Variants in FAF1 observed in about 807,000 individuals in gnomAD.
FAF1 encodes Fas associated factor 1.
A neutral mutation model predicts 92.5 loss-of-function variants in FAF1; 25 were observed. That is an observed-to-expected ratio of 0.27 (90% CI 0.20 to 0.38). FAF1 has a LOEUF of 0.38. FAF1 is among the 10% of genes least tolerant of loss of function. The pLI is 1.00. For synonymous variants in FAF1, 234 were observed against 273.2 expected, an observed-to-expected ratio of 0.86 and a Z score of 1.42; for missense variants, 636 against 793.3, an observed-to-expected ratio of 0.80 and a Z score of 2.38.
intron 8 of FAF1, among the ~76,000 whole-genome samples, chr1:50,637,819 T>C (rs941954331): frequency 6.6e-6 from 1 of 151,754 alleles, no homozygotes; most frequent in Non-Finnish European, 1.5e-5. Flanking sequence ...CTCTCAGAAA[T>C]TTTTTCCTAT....
intron 8 of FAF1, among the ~76,000 whole-genome samples, chr1:50,606,619 C>G (rs1652429105): frequency 6.6e-6 from 1 of 150,954 alleles, no homozygotes; most frequent in Non-Finnish European, 1.5e-5. Flanking sequence ...CCTGCTTCAG[C>G]CTCCCGAGTA....
intron 2 of FAF1, among the ~76,000 whole-genome samples, chr1:50,846,148 A>G (rs181311789): frequency 6.6e-6 from 1 of 152,204 alleles, no homozygotes; most frequent in African/African-American, 2.4e-5. Flanking sequence ...GAAAAAGGAA[A>G]GAAAGGGAGA....
chr1:50,761,914 T>C (rs1355704573), intron 4 of FAF1, among the ~76,000 whole-genome samples: 7 of 152,266 alleles, frequency 4.6e-5, no homozygotes, highest in East Asian at 3.9e-4. Context: ...TGTTTGCAGA[T>C]GACATGATTG....
chr1:50,520,209 T>C (rs751498157), intron 15 of FAF1, among the ~76,000 whole-genome samples: 1 of 152,222 alleles, frequency 6.6e-6, no homozygotes, highest in Non-Finnish European at 1.5e-5. Flanking sequence ...AGTACCTGTT[T>C]CCTGGGATGA....
intron 2 of FAF1, among the ~76,000 whole-genome samples, chr1:50,808,282 G>C (rs768511797): frequency 6.6e-6 from 1 of 152,070 alleles, no homozygotes; most frequent in African/African-American, 2.4e-5. Flanking sequence ...GGAAAAGAAA[G>C]ACTAATACAG....
At chr1:50,678,343 T>G (rs958604355) in intron 7 of FAF1, among the ~76,000 whole-genome samples, 6 of 152,200 alleles carry the variant, frequency 3.9e-5, no homozygotes, top group African/African-American at 1.4e-4. Context: ...AGTCTAGAGT[T>G]AGTTTTGAAT....
At chr1:50,486,255 G>A (rs1210000538) in intron 17 of FAF1, among the ~76,000 whole-genome samples, 1 of 152,178 alleles carries the variant, frequency 6.6e-6, no homozygotes, top group Admixed American at 6.5e-5. Context: ...AGAACCATCA[G>A]CAAAAGGGAA....
intron 8 of FAF1, among the ~76,000 whole-genome samples, chr1:50,597,448 A>T (rs1235329218): frequency 2.0e-5 from 3 of 152,034 alleles, no homozygotes; most frequent in African/African-American, 7.2e-5. Context: ...GCTTATATAT[A>T]AAAAAATGCC....
intron 2 of FAF1, among the ~76,000 whole-genome samples, chr1:50,816,366 G>A (rs1414825957): frequency 4.6e-5 from 7 of 151,584 alleles, no homozygotes; most frequent in African/African-American, 1.5e-4. Flanking sequence ...CACTATGCCC[G>A]GCTAATTTTT....
intron 13 of FAF1, among the ~76,000 whole-genome samples, chr1:50,561,894 G>A (rs954916345): frequency 7.0e-6 from 1 of 142,950 alleles, no homozygotes; most frequent in East Asian, 2.1e-4. Context: ...AGGAAGGAAG[G>A]AAGTTGTGTA....
At chr1:50,783,588 A>G (rs968856052) in intron 4 of FAF1, among the ~76,000 whole-genome samples, 2 of 152,166 alleles carry the variant, frequency 1.3e-5, no homozygotes, top group Non-Finnish European at 1.5e-5. Flanking sequence ...AACATAAAAA[A>G]ATCGGCCAGG....
At chr1:50,526,165 C>G (rs1271756722) in intron 15 of FAF1, among the ~76,000 whole-genome samples, 1 of 152,094 alleles carries the variant, frequency 6.6e-6, no homozygotes, top group African/African-American at 2.4e-5. Flanking sequence ...GCTTTCATAT[C>G]CCATTTTTTG....
intron 9 of FAF1, among the ~76,000 whole-genome samples, chr1:50,585,664 CAATA>C (rs1651191623): frequency 6.6e-6 from 1 of 151,980 alleles, no homozygotes; most frequent in Non-Finnish European, 1.5e-5. Flanking sequence ...GTCCTATGTT[CAATA>C]AATAAAGTCT....
intron 13 of FAF1, among the ~76,000 whole-genome samples, chr1:50,560,816 C>T (rs1649866541): frequency 6.6e-6 from 1 of 152,206 alleles, no homozygotes; most frequent in African/African-American, 2.4e-5. Context: ...CACTAACCCA[C>T]TTATTACTGG....
intron 6 of FAF1, among the ~76,000 whole-genome samples, chr1:50,728,936 ATAG>A (rs1387195595): frequency 6.7e-5 from 10 of 150,288 alleles, no homozygotes; most frequent in Non-Finnish European, 1.5e-4. Flanking sequence ...CTGTTTGAAG[ATAG>A]TAGAATAGAT....
rs1644386788 is a variant in FAF1 at position 50,855,823 on chromosome 1, T to A, written c.114+2106A>T. The stretch of plus-strand genomic sequence containing the variant: ...ACATATCTCAAAAGAAAGCCAAAAT[T>A]TAAGGTTCTGAAAGATAGCCTGATG... On this transcript the variant is annotated intron_variant, in intron 2 of 18. Coordinates refer to ENST00000396153, the MANE Select transcript of FAF1 (RefSeq NM_007051.3). Among the ~76,000 whole-genome samples the A allele has an allele frequency of 3.9e-5, 6 of 151,902 alleles. No homozygotes were observed. The South Asian group carries it at 1.0e-3, about 26-fold the overall frequency.
chr1:50,533,563 C>G (rs910183405), intron 15 of FAF1, among the ~76,000 whole-genome samples: 40 of 152,220 alleles, frequency 2.6e-4, no homozygotes, highest in African/African-American at 9.1e-4. Flanking sequence ...TAATGTAATA[C>G]AGCGATAAAT....
At chr1:50,636,855 G>A (rs1321980104) in intron 8 of FAF1, among the ~76,000 whole-genome samples, 2 of 151,986 alleles carry the variant, frequency 1.3e-5, no homozygotes, top group African/African-American at 4.8e-5. Context: ...TCTGATCTAA[G>A]ATAAATTTGT....
At chr1:50,762,581 C>A (rs1038892703) in intron 4 of FAF1, among the ~76,000 whole-genome samples, 5 of 152,138 alleles carry the variant, frequency 3.3e-5, no homozygotes, top group Admixed American at 6.5e-5. Context: ...GAAAAACAAG[C>A]AATGGAGAAA....
Sources: allele counts gnomAD v4.1 joint callset (sites outside exome capture counted in the v4.1 genomes callset), GRCh38; gene constraint gnomAD v4.1.1; transcripts MANE v1.5; gene names NCBI Gene and HGNC (gene_info 2026-07-23, HGNC 2026-07-21).